The following CDH1 variants were observed in gnomAD, a reference collection of about 807,000 sequenced individuals.
CDH1 encodes cadherin-1.
CDH1 carries 35 observed loss-of-function variants against 84.5 expected under a neutral mutation model. The ratio of observed to expected loss-of-function variants is 0.41; its 90% confidence interval spans 0.32 to 0.55. The LOEUF (loss-of-function observed/expected upper bound fraction) is 0.55, where lower values mean the gene tolerates loss of function less well. CDH1 is among the 20% of genes least tolerant of loss of function. The probability of loss-of-function intolerance (pLI) is 0.19; values close to 1 mark genes in which losing one functional copy is unlikely to be tolerated. For synonymous variants in CDH1, 417 were observed against 439.0 expected (o/e 0.95, Z 0.63); for missense variants, 994 against 1,126.6 (o/e 0.88, Z 1.68).
intron 2 of CDH1, among the ~76,000 whole-genome samples, chr16:68,760,783 G>T (rs934055885): frequency 2.0e-5 from 3 of 152,138 alleles, no homozygotes; most frequent in Non-Finnish European, 4.4e-5. Context: ...GAATTCAGGT[G>T]GGGTGGGACT....
At position 68,739,482 on chromosome 16, in the gene CDH1, G is replaced by C. The variant is rs184821703; in HGVS notation, c.163+1071G>C. 7.2e-5 allele frequency among the ~76,000 whole-genome samples: 11 copies of C among 152,132 alleles called. No individual in the cohort carries two copies. The East Asian group carries it at 1.9e-3, about 27-fold the overall frequency. ...GTCTCTCCATGTTGCCCATGCTGGTGTTGAACTCTTGGGCTCAAAGGATCC... is the reference window on the plus strand; with the variant it reads ...GTCTCTCCATGTTGCCCATGCTGGTCTTGAACTCTTGGGCTCAAAGGATCC... On this transcript the variant is annotated intron_variant, in intron 2 of 15. Coordinates refer to ENST00000261769, the MANE Select transcript of CDH1 (RefSeq NM_004360.5).
At chr16:68,791,138 AC>A (rs1960196523) in intron 2 of CDH1, among the ~76,000 whole-genome samples, 2 of 152,092 alleles carry the variant, frequency 1.3e-5, no homozygotes, top group South Asian at 4.2e-4. Flanking sequence ...GATCTTCAGT[AC>A]TAGAACAGGC....
At chr16:68,830,512 A>G (rs915412061) in intron 15 of CDH1, among the ~76,000 whole-genome samples, 7 of 152,152 alleles carry the variant, frequency 4.6e-5, no homozygotes, top group Non-Finnish European at 1.0e-4. Flanking sequence ...TCTGTATTGT[A>G]TATGTCAGAA....
At chr16:68,805,518 T>C (rs949943741) in intron 3 of CDH1, among the ~76,000 whole-genome samples, 4 of 152,248 alleles carry the variant, frequency 2.6e-5, no homozygotes, top group Non-Finnish European at 5.9e-5. Context: ...TAACTGGGTT[T>C]GCATTCATCC....
intron 3 of CDH1, among the ~76,000 whole-genome samples, chr16:68,805,477 A>G (rs985215119): frequency 6.6e-6 from 1 of 152,114 alleles, no homozygotes; most frequent in Non-Finnish European, 1.5e-5. Flanking sequence ...GGTGTCAGCA[A>G]GGCATGCATG....
At chr16:68,803,740 C>T (rs1056073973) in intron 3 of CDH1, among the ~76,000 whole-genome samples, 1 of 152,200 alleles carries the variant, frequency 6.6e-6, no homozygotes, top group Non-Finnish European at 1.5e-5. Flanking sequence ...TCTTCCACAT[C>T]TCTTGAACTT....
intron 3 of CDH1, 44 bp downstream of exon 3, chr16:68,801,937 G>C (rs770588696): frequency 1.3e-6 from 2 of 1,484,402 alleles, no homozygotes; most frequent in Admixed American, 3.4e-5. Context: ...GTTTTAGTGC[G>C]CTGTCTAATC....
intron 2 of CDH1, among the ~76,000 whole-genome samples, chr16:68,738,769 G>A (rs1326638935): frequency 6.6e-6 from 1 of 151,756 alleles, no homozygotes; most frequent in African/African-American, 2.4e-5. Context: ...TTTTACAGTT[G>A]AGCAAACCGA....
chr16:68,818,388 C>G (rs1445858095), intron 10 of CDH1, among the ~76,000 whole-genome samples: 1 of 151,734 alleles, frequency 6.6e-6, no homozygotes, highest in Non-Finnish European at 1.5e-5. Context: ...TTCAGCAGAA[C>G]AAGAAATTAT....
chr16:68,831,069 CTTTTTTTTT>C (rs1157074539), intron 15 of CDH1, among the ~76,000 whole-genome samples: 5 of 80,290 alleles, frequency 6.2e-5, no homozygotes, highest in South Asian at 4.4e-4. Context: ...CTTTAGCTTT[CTTTTTTTTT>C]TTTTTTTTTT....
At chr16:68,819,107 C>T (rs1293611307) in intron 10 of CDH1, among the ~76,000 whole-genome samples, 173 bp from the exon 11 acceptor site, 2 of 152,134 alleles carry the variant, frequency 1.3e-5, no homozygotes, top group East Asian at 3.9e-4. Context: ...CTGCCCACCT[C>T]AGCCTCCCAA....
chr16:68,809,671 G>T (rs768247044), intron 5 of CDH1, among the ~76,000 whole-genome samples: 1 of 152,014 alleles, frequency 6.6e-6, no homozygotes, highest in Non-Finnish European at 1.5e-5. Context: ...GACTAAAGGC[G>T]CAGGCCACCA....
intron 11 of CDH1, among the ~76,000 whole-genome samples, chr16:68,820,338 G>A (rs973135826): frequency 1.3e-5 from 2 of 151,634 alleles, no homozygotes; most frequent in Non-Finnish European, 2.9e-5. Flanking sequence ...GTGTGACCTT[G>A]GATTTGCTGT....
chr16:68,770,748 G>A (rs1183887789), intron 2 of CDH1, among the ~76,000 whole-genome samples: 1 of 151,536 alleles, frequency 6.6e-6, no homozygotes, highest in African/African-American at 2.4e-5. Context: ...AGCAAGGGCT[G>A]AGAGCCTGAG....
At position 68,813,405 on chromosome 16, in the gene CDH1, G is replaced by A. The variant is rs876659952; in HGVS notation, c.1230G>A (p.Glu410=). ...ATGCCCCCAATACCCCAGCGTGGGA[G>A]GCTGTATACACCATATTGAATGATG... The part of the protein sequence containing the change: ...DADAPNTPAW[E]AVYTILNDDG... The change falls in exon 9 of 16, where the codon GAG becomes GAA. Residue 410 remains glutamate, a synonymous_variant. Coordinates refer to ENST00000261769, the MANE Select transcript of CDH1 (RefSeq NM_004360.5). The A allele has an allele frequency of 6.2e-7, 1 of 1,614,150 alleles. No individual in the cohort carries two copies. Among genetic ancestry groups the A allele is most frequent in the Non-Finnish European group, 8.5e-7 (1 of 1,180,018 alleles).
chr16:68,775,439 T>C (rs1291331380), intron 2 of CDH1, among the ~76,000 whole-genome samples: 1 of 152,092 alleles, frequency 6.6e-6, no homozygotes, highest in African/African-American at 2.4e-5. Flanking sequence ...AAACATCACC[T>C]CCCGAGATCC....
At chr16:68,771,750 CAAA>C (rs34703363) in intron 2 of CDH1, among the ~76,000 whole-genome samples, 1 of 140,646 alleles carries the variant, frequency 7.1e-6, no homozygotes. Context: ...GACTCCCTCT[CAAA>C]AAAAAAAAAA....
intron 2 of CDH1, among the ~76,000 whole-genome samples, chr16:68,787,982 C>G (rs554652995): frequency 6.6e-6 from 1 of 152,064 alleles, no homozygotes; most frequent in Non-Finnish European, 1.5e-5. Flanking sequence ...TGTGCCACCA[C>G]GCCCCGCTAA....
intron 12 of CDH1, 89 bp from the exon 13 acceptor site, chr16:68,823,310 T>C: frequency 3.4e-6 from 3 of 870,844 alleles, no homozygotes; most frequent in Non-Finnish European, 3.8e-6. Flanking sequence ...GGCTTGCGGG[T>C]GTCTTTAGTT....
Sources: allele counts gnomAD v4.1 joint callset (sites outside exome capture counted in the v4.1 genomes callset), GRCh38; gene constraint gnomAD v4.1.1; transcripts MANE v1.5; gene names NCBI Gene and HGNC (gene_info 2026-07-23, HGNC 2026-07-21).